Variants in TBL1XR1 observed in about 807,000 individuals in gnomAD.
The protein encoded by TBL1XR1 is TBL1X/Y related 1.
In TBL1XR1, 5 loss-of-function variants were observed where a neutral mutation model predicts 66.9. The ratio of observed to expected loss-of-function variants is 0.07; its 90% CI spans 0.04 to 0.16. The LOEUF (loss-of-function observed/expected upper bound fraction) is 0.16, where lower values mean the gene tolerates loss of function less well. Ranked by LOEUF, TBL1XR1 falls within the 10% of genes least tolerant of loss-of-function variation. The pLI, the probability that TBL1XR1 is intolerant of heterozygous loss-of-function variation, is 1.00. For synonymous variants in TBL1XR1, 210 were observed against 206.0 expected, an observed-to-expected ratio of 1.02 and a Z score of -0.17; for missense variants, 238 against 623.2, an observed-to-expected ratio of 0.38 and a Z score of 6.58.
intron 1 of TBL1XR1, among the ~76,000 whole-genome samples, chr3:177,172,151 C>CT (rs1371731136): frequency 6.6e-6 from 1 of 150,978 alleles, no homozygotes; most frequent in Non-Finnish European, 1.5e-5. Context: ...ATCCCAACTA[C>CT]TTGGGAGGCT....
intron 3 of TBL1XR1, among the ~76,000 whole-genome samples, chr3:177,060,481 A>T (rs1015686402): frequency 1.3e-5 from 2 of 152,226 alleles, no homozygotes; most frequent in Non-Finnish European, 2.9e-5. Flanking sequence ...TAAATGGAGA[A>T]GTTACAGAGC....
chr3:177,135,455 C>T (rs1728887015), intron 1 of TBL1XR1, among the ~76,000 whole-genome samples: 1 of 146,002 alleles, frequency 6.8e-6, no homozygotes, highest in Non-Finnish European at 1.5e-5. Flanking sequence ...GCAATCTCGG[C>T]TCACTGCAAG....
chr3:177,069,199 C>A (rs879475185), intron 2 of TBL1XR1, among the ~76,000 whole-genome samples: 2 of 152,038 alleles, frequency 1.3e-5, no homozygotes, highest in Non-Finnish European at 2.9e-5. Context: ...TATATAGGAA[C>A]CTTGCAAGCT....
intron 1 of TBL1XR1, among the ~76,000 whole-genome samples, chr3:177,139,394 G>A (rs752401366): frequency 6.6e-6 from 1 of 152,148 alleles, no homozygotes; most frequent in Non-Finnish European, 1.5e-5. Flanking sequence ...AATTAGCTGA[G>A]AGTGCTGGCG....
chr3:177,098,424 A>C, intron 2 of TBL1XR1, 42 bp downstream of exon 2: 18 of 957,564 alleles, frequency 1.9e-5, no homozygotes, highest in South Asian at 4.8e-5. Context: ...TCTAAAAACA[A>C]GAGAATAAGA....
intron 1 of TBL1XR1, among the ~76,000 whole-genome samples, chr3:177,181,650 A>T (rs2108970371): frequency 6.6e-6 from 1 of 152,230 alleles, no homozygotes; most frequent in East Asian, 1.9e-4. Context: ...CAACTGGTTT[A>T]AAGAGACAAA....
At chr3:177,188,166 G>T (rs78975615) in intron 1 of TBL1XR1, among the ~76,000 whole-genome samples, 3 of 151,766 alleles carry the variant, frequency 2.0e-5, no homozygotes, top group Admixed American at 1.3e-4. Context: ...TCCTGACCTC[G>T]TGATCCACCC....
chr3:177,119,847 A>G (rs932352464), intron 1 of TBL1XR1, among the ~76,000 whole-genome samples: 1 of 152,170 alleles, frequency 6.6e-6, no homozygotes, highest in African/African-American at 2.4e-5. Flanking sequence ...CCCATTTTCT[A>G]CATGGTCATT....
At position 177,092,803 on chromosome 3, in the gene TBL1XR1, G is replaced by A. The variant is rs563501938; in HGVS notation, c.-46+5663C>T. Among the ~76,000 whole-genome samples the A allele has an allele frequency of 3.2e-4, 49 of 152,060 alleles. No homozygotes were observed. The South Asian group carries it at 1.0e-2, about 31-fold the overall frequency. On this transcript the variant is annotated intron_variant, in intron 2 of 15. Coordinates refer to ENST00000457928, the MANE Select transcript of TBL1XR1 (RefSeq NM_024665.7). ...AAGAATTCCAGTTCTAAAAAGAGTT[G>A]AAATCAAGATGTCAAAGAGATTTGC... is the stretch of plus-strand genomic sequence containing the variant.
At chr3:177,065,928 A>C (rs1719096360) in intron 2 of TBL1XR1, among the ~76,000 whole-genome samples, 1 of 152,184 alleles carries the variant, frequency 6.6e-6, no homozygotes, top group Non-Finnish European at 1.5e-5. Context: ...ATAAAGTATT[A>C]TTCTTCTGAT....
chr3:177,173,151 C>T (rs2108935370), intron 1 of TBL1XR1, among the ~76,000 whole-genome samples: 1 of 152,324 alleles, frequency 6.6e-6, no homozygotes, highest in East Asian at 1.9e-4. Context: ...CGTGCCACTG[C>T]ACTCCAGCCT....
At chr3:177,095,806 T>C (rs906543055) in intron 2 of TBL1XR1, among the ~76,000 whole-genome samples, 3 of 152,234 alleles carry the variant, frequency 2.0e-5, no homozygotes, top group Non-Finnish European at 4.4e-5. Flanking sequence ...AGATTTAAAA[T>C]TACTTGTGTC....
chr3:177,103,512 C>A (rs189796069), intron 1 of TBL1XR1, among the ~76,000 whole-genome samples: 1 of 152,260 alleles, frequency 6.6e-6, no homozygotes, highest in East Asian at 1.9e-4. Context: ...CTAAGATCTG[C>A]CACCTACACA....
chr3:177,197,883 G>A (rs1351588154), upstream of TBL1XR1, among the ~76,000 whole-genome samples: 4 of 148,878 alleles, frequency 2.7e-5, no homozygotes, highest in African/African-American at 9.7e-5. Flanking sequence ...CGGCCTGGGT[G>A]TGCTCGGGTG....
intron 2 of TBL1XR1, among the ~76,000 whole-genome samples, chr3:177,094,814 TA>T (rs980641301): frequency 2.0e-4 from 31 of 151,242 alleles, no homozygotes; most frequent in African/African-American, 6.6e-4. Context: ...CCTTGTGGAC[TA>T]GGGGGAAAGG....
chr3:177,079,487 A>G (rs1450039509), intron 2 of TBL1XR1: 1 of 151,200 alleles, frequency 6.6e-6, no homozygotes, highest in African/African-American at 2.4e-5. Context: ...TCTTATCCAC[A>G]CTCTTGGACT....
In TBL1XR1 at chr3:177,075,670, T is replaced by TA. The variant is rs571307740; in HGVS notation, c.-45-10649dup. 7.6e-4 allele frequency among the ~76,000 whole-genome samples: 116 copies of TA among 152,310 alleles called. 1 individual carries two copies. Among genetic ancestry groups the TA allele is most frequent in the African/African-American group, 2.4e-3 (100 of 41,572 alleles). ...CTCCTCCTGCCATCTACTTAGCAGT[T>TA]AGACTACTCATTACACAATAAAGGT... On this transcript the variant is annotated intron_variant, in intron 2 of 15. Coordinates refer to ENST00000457928, the MANE Select transcript of TBL1XR1 (RefSeq NM_024665.7).
intron 15 of TBL1XR1, 61 bp downstream of exon 15, chr3:177,026,312 A>C (rs1713116761): frequency 2.3e-6 from 3 of 1,292,708 alleles, no homozygotes; most frequent in African/African-American, 1.5e-5. Flanking sequence ...ACTAACAATA[A>C]GCTGCATTCT....
At chr3:177,041,398 C>G (rs372596862) in intron 10 of TBL1XR1, among the ~76,000 whole-genome samples, 2 of 152,152 alleles carry the variant, frequency 1.3e-5, no homozygotes, top group East Asian at 1.9e-4. Flanking sequence ...TGAGACTGGG[C>G]CTTTCTTCAC....
Sources: allele counts gnomAD v4.1 joint callset (sites outside exome capture counted in the v4.1 genomes callset), GRCh38; gene constraint gnomAD v4.1.1; transcripts MANE v1.5; gene names NCBI Gene and HGNC (gene_info 2026-07-23, HGNC 2026-07-21).